The following TSHZ3 variants were observed in gnomAD, a reference collection of about 807,000 sequenced individuals.
TSHZ3 encodes teashirt zinc finger homeobox 3.
Under a neutral mutation model 64.5 loss-of-function variants are expected in TSHZ3, and 10 were observed. The observed-to-expected ratio is 0.16, with a 90% confidence interval of 0.10 to 0.26. TSHZ3 has a LOEUF of 0.26. TSHZ3 is among the 10% of genes least tolerant of loss of function. The probability of loss-of-function intolerance (pLI) is 1.00; values close to 1 mark genes in which losing one functional copy is unlikely to be tolerated. For synonymous variants in TSHZ3, 608 were observed against 593.1 expected (o/e 1.03, Z -0.36); for missense variants, 1,242 against 1,421.7 (o/e 0.87, Z 2.03).
At chr19:31,179,746 G>A (rs199753653) in intron 5 of TSHZ3, among the ~76,000 whole-genome samples, 4 of 134,852 alleles carry the variant, frequency 3.0e-5, no homozygotes, top group East Asian at 2.1e-4. Context: ...GGTGGTGGTG[G>A]TGATGGTGGT....
rs749597184 is a variant in TSHZ3 at position 31,279,053 on chromosome 19, T to G, written c.740A>C (p.Asp247Ala). ...GGACCAGCGCTTGGGGTTGTTGTTA[T>G]CGGTCTCATGGTTGTCGTCGCGGTA... ...GHYRDDNHET[D>A]NNNPKRWSKP... Residue 247 changes from aspartate (D) to alanine (A), a missense_variant, in exon 2 of 2, where the codon GAT (aspartate) becomes GCT (alanine). Physicochemically the swap from Asp to Ala is moderately radical, Grantham distance 126. Around this residue, in one of 4 missense-constraint regions of TSHZ3, gnomAD observed 555 missense variants for 704.0 expected, o/e 0.79. Transcript: ENST00000240587. This position sits in a 1 kb window ranked among gnomAD's most constrained non-coding sequence, Gnocchi z 6.4. 6.2e-7 allele frequency: 1 copy of G among 1,613,988 alleles called. No individual in the cohort carries two copies. Among genetic ancestry groups the G allele is most frequent in the East Asian group, 2.2e-5 (1 of 44,874 alleles).
chr19:31,213,949 A>G (rs1256100130), intron 4 of TSHZ3, among the ~76,000 whole-genome samples: 1 of 152,132 alleles, frequency 6.6e-6, no homozygotes, highest in East Asian at 1.9e-4. Context: ...GGGGGATTTT[A>G]TTTTTTATTT....
intron 5 of TSHZ3, among the ~76,000 whole-genome samples, chr19:31,184,478 C>G (rs900829986): frequency 6.6e-6 from 1 of 152,168 alleles, no homozygotes; most frequent in South Asian, 2.1e-4. Context: ...TTGTTTCATA[C>G]TCTACAATCA....
rs576521375 is a variant in TSHZ3 at position 31,171,201 on chromosome 19, A to G, written n.810-14784T>C. ...AGCCTTGCCTGGGTCTCTGAGCCCC[A>G]GGCTATTTGTTTGCCATTGTCCTGC... On this transcript the variant is annotated intron_variant and non_coding_transcript_variant, in intron 5 of 6. Coordinates refer to the TSHZ3 transcript ENST00000651361. 4.6e-5 allele frequency among the ~76,000 whole-genome samples: 7 copies of G among 152,270 alleles called. No homozygotes were observed. The East Asian group carries it at 1.4e-3, about 29-fold the overall frequency.
chr19:31,156,894 G>C (rs1487174582), intron 5 of TSHZ3, among the ~76,000 whole-genome samples: 1 of 152,192 alleles, frequency 6.6e-6, no homozygotes, highest in Non-Finnish European at 1.5e-5. Context: ...TGAGAAGGTA[G>C]CTGGGTGCAT....
chr19:31,229,318 G>A (rs772478042), intron 3 of TSHZ3, among the ~76,000 whole-genome samples: 2 of 152,060 alleles, frequency 1.3e-5, no homozygotes, highest in South Asian at 2.1e-4. Flanking sequence ...CTAAAACTAC[G>A]ACAATTAAAA....
chr19:31,198,736 A>G (rs1975029330), intron 5 of TSHZ3, among the ~76,000 whole-genome samples: 1 of 152,172 alleles, frequency 6.6e-6, no homozygotes, highest in Non-Finnish European at 1.5e-5. Flanking sequence ...ATATGTACAA[A>G]ATCTATATGA....
At chr19:31,187,475 G>GT (rs1403272963) in intron 5 of TSHZ3, among the ~76,000 whole-genome samples, 9 of 151,602 alleles carry the variant, frequency 5.9e-5, no homozygotes, top group African/African-American at 1.9e-4. Context: ...ATGGTTTGCA[G>GT]TTTTTTTCAT....
rs368844396 is a variant in TSHZ3, at chr19:31,320,391, G to C, written c.40+28789C>G. On this transcript the variant is annotated intron_variant, in intron 1 of 1. Coordinates refer to ENST00000240587, the MANE Select transcript of TSHZ3 (RefSeq NM_020856.4). Reference sequence around the variant, plus strand: ...ATCCCTGCTGTTGCCCGTGGCTGCCGTTCCTTCATTTTTACTGCTCTAAAA... The same window carrying C: ...ATCCCTGCTGTTGCCCGTGGCTGCCCTTCCTTCATTTTTACTGCTCTAAAA... Among the ~76,000 whole-genome samples the C allele has an allele frequency of 1.5e-3, 233 of 152,200 alleles. 2 individuals carry two copies. In the South Asian group the frequency reaches 0.033, roughly 21 times the overall value.
chr19:31,279,070 G>T lies in TSHZ3; in HGVS notation c.723C>A (p.Asp241Glu). Residue 241 changes from aspartate to glutamate, a missense_variant, in exon 2 of 2, where the codon GAC becomes GAA. Physicochemically the swap from Asp to Glu is conservative, Grantham distance 45 (BLOSUM62 2). Transcript: ENST00000240587. The surrounding 1 kb of genome is among the most constrained non-coding windows in gnomAD (Gnocchi z 6.4). Reference sequence around the variant, plus strand: ...TGTTGTTATCGGTCTCATGGTTGTCGTCGCGGTAATGCCCCGTCTCGTTCA... The same window carrying T: ...TGTTGTTATCGGTCTCATGGTTGTCTTCGCGGTAATGCCCCGTCTCGTTCA... ...VHMNETGHYR[D>E]DNHETDNNNP... The T allele has an allele frequency of 1.2e-6, 2 of 1,614,050 alleles. No individual in the cohort carries two copies. The highest frequency in any genetic ancestry group is 1.7e-6 in the Non-Finnish European group (2 of 1,179,994).
chr19:31,341,217 A>C (rs1385289190), intron 1 of TSHZ3, among the ~76,000 whole-genome samples: 1 of 152,204 alleles, frequency 6.6e-6, no homozygotes, highest in Non-Finnish European at 1.5e-5. Flanking sequence ...ATTAAATGGC[A>C]AGTTTCCTAC....
At chr19:31,164,290 G>T (rs1287762020) in intron 5 of TSHZ3, among the ~76,000 whole-genome samples, 1 of 152,192 alleles carries the variant, frequency 6.6e-6, no homozygotes, top group African/African-American at 2.4e-5. Flanking sequence ...GAATTCTGGG[G>T]ACGCGCTGTT....
intron 1 of TSHZ3, among the ~76,000 whole-genome samples, chr19:31,290,221 C>G (rs77500626): frequency 6.6e-6 from 1 of 152,166 alleles, no homozygotes; most frequent in South Asian, 2.1e-4. Context: ...GAGGGATAGA[C>G]AGACAGGGAG....
intron 5 of TSHZ3, among the ~76,000 whole-genome samples, chr19:31,177,296 A>G (rs1016989633): frequency 1.3e-5 from 2 of 152,210 alleles, no homozygotes; most frequent in Non-Finnish European, 2.9e-5. Context: ...GAGATGTGCT[A>G]AGCTCTCCTG....
chr19:31,320,655 T>C (rs748323414), intron 1 of TSHZ3, among the ~76,000 whole-genome samples: 3 of 152,176 alleles, frequency 2.0e-5, no homozygotes, highest in Non-Finnish European at 4.4e-5. Flanking sequence ...AAGGTTGTTG[T>C]AGTTAAGACA....
intron 5 of TSHZ3, among the ~76,000 whole-genome samples, chr19:31,179,752 GTGGTGGTGATGGTGGGGGTGATGATAA>G: frequency 6.6e-6 from 1 of 151,078 alleles, no homozygotes; most frequent in Non-Finnish European, 1.5e-5. Context: ...GGTGGTGATG[GTGGTGGTGATGGTGGGGGTGATGATAA>G]TGGTGGTGAT....
intron 1 of TSHZ3, among the ~76,000 whole-genome samples, chr19:31,342,872 G>C (rs894139624): frequency 2.0e-5 from 3 of 152,310 alleles, no homozygotes; most frequent in African/African-American, 7.2e-5. Context: ...GGAAGGGAGA[G>C]GGCAGCCAAT....
At chr19:31,153,523 G>A (rs932693316) in intron 6 of TSHZ3, among the ~76,000 whole-genome samples, 2 of 152,210 alleles carry the variant, frequency 1.3e-5, no homozygotes. Context: ...TCCATAGTTT[G>A]TTGAACAGAC....
At chr19:31,258,069 C>T (rs1975935772) in intron 1 of TSHZ3, among the ~76,000 whole-genome samples, 1 of 152,150 alleles carries the variant, frequency 6.6e-6, no homozygotes, top group Admixed American at 6.5e-5. Flanking sequence ...GCAGCTTAAT[C>T]CCATGAGAAG....
Sources: allele counts gnomAD v4.1 joint callset (sites outside exome capture counted in the v4.1 genomes callset), GRCh38; gene constraint gnomAD v4.1.1; regional missense constraint gnomAD v4.1.1; non-coding constraint Gnocchi (gnomAD v3.1); transcripts MANE v1.5; gene names NCBI Gene and HGNC (gene_info 2026-07-23, HGNC 2026-07-21).